POLR1H: variants seen among roughly 807,000 people sequenced by gnomAD.
The protein encoded by POLR1H is RNA polymerase I subunit H.
POLR1H carries 5 observed loss-of-function variants against 15.8 expected under a neutral mutation model. The ratio of observed to expected loss-of-function variants is 0.32; its 90% confidence interval spans 0.17 to 0.67. POLR1H has a LOEUF of 0.67. Among genes scored for constraint, POLR1H ranks in the 30% least tolerant of loss-of-function variants. The probability of loss-of-function intolerance (pLI) is 0.74; values close to 1 mark genes in which losing one functional copy is unlikely to be tolerated. For missense variants in POLR1H, 100 were observed against 163.4 expected (o/e 0.61, Z 2.11); for synonymous variants, 43 against 58.3 (o/e 0.74, Z 1.20).
intron 2 of POLR1H, 40 bp from the exon 3 acceptor site, chr6:30,062,184 G>C (rs373543360): frequency 4.2e-5 from 64 of 1,532,158 alleles, no homozygotes; most frequent in Non-Finnish European, 5.6e-5. Flanking sequence ...GAAGTAAGGG[G>C]ATATGACCAG....
chr6:30,061,274 G>A lies in POLR1H; in HGVS notation c.-251G>A. On this transcript the variant is annotated 5_prime_UTR_variant, in exon 1 of 4. Coordinates refer to ENST00000332435, the MANE Select transcript of POLR1H (RefSeq NM_170783.4). The surrounding 1 kb of genome is among the most constrained non-coding windows in gnomAD (Gnocchi z 5.0). Reference sequence around the variant, plus strand: ...GCCCCGCCGCGGGCGCAGAGCTGGCGCTCTAGCCCACGGAGTTGGTTAACT... The same window carrying A: ...GCCCCGCCGCGGGCGCAGAGCTGGCACTCTAGCCCACGGAGTTGGTTAACT... The A allele has an allele frequency of 2.4e-6, 1 of 411,434 alleles. No individual in the cohort carries two copies. The allele number at this position is 411,434 out of a possible 1,614,324, so 25.5% of individuals were successfully genotyped here.
At chr6:30,062,140 A>G (rs1399026291) in intron 2 of POLR1H, 84 bp from the exon 3 acceptor site, 1 of 1,452,180 alleles carries the variant, frequency 6.9e-7, no homozygotes, top group South Asian at 1.1e-5. Flanking sequence ...TAAACCATCG[A>G]CGTTTGAGAG....
chr6:30,064,026 T>G (rs1765317395), intron 3 of POLR1H, among the ~76,000 whole-genome samples: 1 of 152,194 alleles, frequency 6.6e-6, no homozygotes, highest in African/African-American at 2.4e-5. Context: ...GCACGGGATC[T>G]CCTATCAGAC....
chr6:30,060,366 T>C (rs771370356), upstream of POLR1H: 14 of 152,184 alleles, frequency 9.2e-5, no homozygotes, highest in South Asian at 2.1e-4. Flanking sequence ...AAGTTACAGA[T>C]TAATGAAAAT....
chr6:30,064,341 C>T (rs577148868), intron 3 of POLR1H, among the ~76,000 whole-genome samples: 59 of 150,586 alleles, frequency 3.9e-4, no homozygotes, highest in Non-Finnish European at 6.5e-4. Context: ...TTTTTCCCAG[C>T]GTGTGGCTTG....
At position 30,061,593 on chromosome 6, in the gene POLR1H, C is replaced by T. The variant is rs575763643; in HGVS notation, c.69C>T (p.Cys23=). The T allele has an allele frequency of 5.0e-6, 8 of 1,613,068 alleles. No individual in the cohort carries two copies. The Admixed American group carries it at 1.2e-4, about 24-fold the overall frequency. ...CGGACCTGGATTTCTGTTCAGATTG[C>T]GGCTCGGTCCTGCCTCTGCCCGGGG... ...FQSDLDFCSD[C]GSVLPLPGAQ... is the part of the protein sequence containing the mutation. Residue 23 remains cysteine (C), a synonymous_variant, in exon 1 of 4, where the codon TGC becomes TGT. Coordinates refer to ENST00000332435, the MANE Select transcript of POLR1H (RefSeq NM_170783.4). The surrounding 1 kb of genome is among the most constrained non-coding windows in gnomAD (Gnocchi z 5.0).
upstream of POLR1H, chr6:30,060,691 C>T (rs1764951260): frequency 6.6e-6 from 1 of 152,318 alleles, no homozygotes; most frequent in South Asian, 2.1e-4. Flanking sequence ...ACTAAGCATT[C>T]CTCGGGCCTT....
chr6:30,061,286 G>A lies in POLR1H; in HGVS notation c.-239G>A, dbSNP rs1347098009. ...GCGCAGAGCTGGCGCTCTAGCCCAC[G>A]GAGTTGGTTAACTCCTCTCACCGGC... On this transcript the variant is annotated 5_prime_UTR_variant, in exon 1 of 4. Coordinates refer to ENST00000332435, the MANE Select transcript of POLR1H (RefSeq NM_170783.4). The surrounding 1 kb of genome is among the most constrained non-coding windows in gnomAD (Gnocchi z 5.0). 2.6e-5 allele frequency: 11 copies of A among 426,076 alleles called. No homozygotes were observed. The East Asian group carries it at 3.6e-4, about 14-fold the overall frequency. 26.4% of individuals were successfully genotyped at this position (426,076 alleles called of 1,614,324 possible).
chr6:30,061,720 T>A lies in POLR1H; in HGVS notation c.145+51T>A. On this transcript the variant is annotated intron_variant, in intron 1 of 3. Coordinates refer to ENST00000332435, the MANE Select transcript of POLR1H (RefSeq NM_170783.4). This position sits in a 1 kb window ranked among gnomAD's most constrained non-coding sequence, Gnocchi z 5.0. ...TGGCGGAGGGCGCAGGGTCGGAAGC[T>A]TGGGGAACTCAAGATCGGTTGGGTT... 2 of 1,608,914 alleles carry A rather than the reference T, an allele frequency of 1.2e-6. No homozygotes were observed. Among genetic ancestry groups the A allele is most frequent in the Non-Finnish European group, 1.7e-6 (2 of 1,177,154 alleles).
At position 30,061,523 on chromosome 6, in the gene POLR1H, G is replaced by A. The variant is rs369093540; in HGVS notation, c.-2G>A. 54 of 1,612,784 alleles carry A rather than the reference G, an allele frequency of 3.3e-5. No homozygotes were observed. The Middle Eastern group carries it at 8.2e-4, about 25-fold the overall frequency. On this transcript the variant is annotated 5_prime_UTR_variant, in exon 1 of 4. Transcript: ENST00000332435. This position sits in a 1 kb window ranked among gnomAD's most constrained non-coding sequence, Gnocchi z 5.0. ...TCCAACTCCCTCCTCAGACCCGACC[G>A]CATGTCTGTCATGGACCTCGCCAAT...
At chr6:30,061,212 C>T (rs934346450), upstream of POLR1H, 1 of 314,042 alleles carries the variant, frequency 3.2e-6, no homozygotes, top group Non-Finnish European at 5.9e-6. This position sits in a 1 kb window ranked among gnomAD's most constrained non-coding sequence, Gnocchi z 5.0. Flanking sequence ...CAATCGTCAA[C>T]GCGAAAGCCT....
upstream of POLR1H, chr6:30,060,813 A>G (rs1368924714): frequency 1.3e-5 from 2 of 152,242 alleles, no homozygotes; most frequent in African/African-American, 4.8e-5. Context: ...CACGCTCGCC[A>G]GCGGGACCCA....
Position 30,062,728 on chromosome 6 carries a change from T to C in POLR1H, c.356+395T>C, listed in dbSNP as rs369319005. On this transcript the variant is annotated intron_variant, in intron 3 of 3. Coordinates refer to ENST00000332435, the MANE Select transcript of POLR1H (RefSeq NM_170783.4). ...ACCACGCCTGGCTTTTTTTTTTTTT[T>C]TTTTTTTTTTTTTTTGTATTTTTAG... is the stretch of plus-strand genomic sequence containing the variant. 2.7e-3 allele frequency among the ~76,000 whole-genome samples: 320 copies of C among 116,684 alleles called. 11 individuals carry two copies. Among genetic ancestry groups the C allele is most frequent in the Middle Eastern group, 0.012 (3 of 244 alleles). 76.5% of individuals were successfully genotyped at this position (116,684 alleles called of 152,430 possible).
chr6:30,060,089 G>A (rs1764902566), upstream of POLR1H: 1 of 152,266 alleles, frequency 6.6e-6, no homozygotes, highest in Non-Finnish European at 1.5e-5. Flanking sequence ...TTAAATGATA[G>A]GGCTTGTCAC....
chr6:30,064,828 G>A lies in POLR1H; in HGVS notation c.*131G>A. On this transcript the variant is annotated 3_prime_UTR_variant, in exon 4 of 4. Coordinates refer to ENST00000332435, the MANE Select transcript of POLR1H (RefSeq NM_170783.4). ...CAGAAGAGAATCAGATCATCATGTGGGGATTACCATTGTTCCTGGAGTACT... is the reference window on the plus strand; with the variant it reads ...CAGAAGAGAATCAGATCATCATGTGAGGATTACCATTGTTCCTGGAGTACT... 1.4e-6 allele frequency: 1 copy of A among 710,562 alleles called. No homozygotes were observed. The highest frequency in any genetic ancestry group is 2.0e-5 in the South Asian group (1 of 50,978). 44.0% of individuals were successfully genotyped at this position (710,562 alleles called of 1,614,324 possible). A position where few individuals can be genotyped will look rare whatever the true frequency, so the allele number is the denominator to read the frequency against.
chr6:30,061,482 CTT>C lies in POLR1H; in HGVS notation c.-40_-39del. 1 of 1,607,270 alleles carries C rather than the reference CTT, an allele frequency of 6.2e-7. No individual in the cohort carries two copies. Among genetic ancestry groups the C allele is most frequent in the South Asian group, 1.1e-5 (1 of 90,598 alleles). ...ACCTCTGGGACAGGAACTCTTCTCT[CTT>C]TTGTTAATAAACTTCCAACTCCCTC... On this transcript the variant is annotated 5_prime_UTR_variant, in exon 1 of 4. Coordinates refer to ENST00000332435, the MANE Select transcript of POLR1H (RefSeq NM_170783.4). The surrounding 1 kb of genome is among the most constrained non-coding windows in gnomAD (Gnocchi z 5.0).
chr6:30,063,362 TC>T lies in POLR1H; in HGVS notation c.356+1031del, dbSNP rs1208466747. On this transcript the variant is annotated intron_variant, in intron 3 of 3. Coordinates refer to ENST00000332435, the MANE Select transcript of POLR1H (RefSeq NM_170783.4). This position sits in a 1 kb window ranked among gnomAD's most constrained non-coding sequence, Gnocchi z 4.1. ...CTGAGTAATTTCTTCAGGTCCCTCTTCCATGTCACTAATTCTGTCTTCAGTT... is the reference window on the plus strand; with the variant it reads ...CTGAGTAATTTCTTCAGGTCCCTCTTCATGTCACTAATTCTGTCTTCAGTT... 1.3e-5 allele frequency among the ~76,000 whole-genome samples: 2 copies of T among 152,038 alleles called. No individual in the cohort carries two copies. The highest frequency in any genetic ancestry group is 6.5e-5 in the Admixed American group (1 of 15,272).
Position 30,061,419 on chromosome 6 carries a change from G to C in POLR1H, c.-106G>C. 1.5e-6 allele frequency: 2 copies of C among 1,355,072 alleles called. No individual in the cohort carries two copies. The highest frequency in any genetic ancestry group is 2.0e-6 in the Non-Finnish European group (2 of 982,098). 83.9% of individuals were successfully genotyped at this position (1,355,072 alleles called of 1,614,324 possible). A position where few individuals can be genotyped will look rare whatever the true frequency, so the allele number is the denominator to read the frequency against. On this transcript the variant is annotated 5_prime_UTR_variant, in exon 1 of 4. Transcript: ENST00000332435. This position sits in a 1 kb window ranked among gnomAD's most constrained non-coding sequence, Gnocchi z 5.0. The stretch of plus-strand genomic sequence containing the variant: ...GAGGCGTGCGTGGCAGGAGGGTTCG[G>C]GTTATATACTCCTAGGTCCTGGGAC...
rs1210192177 is a variant in POLR1H, at chr6:30,061,493, A to G, written c.-32A>G. ...AGGAACTCTTCTCTCTTTTGTTAATAAACTTCCAACTCCCTCCTCAGACCC... is the reference window on the plus strand; with the variant it reads ...AGGAACTCTTCTCTCTTTTGTTAATGAACTTCCAACTCCCTCCTCAGACCC... On this transcript the variant is annotated 5_prime_UTR_variant, in exon 1 of 4. The change creates a new upstream start codon in the 5' untranslated region. Transcript: ENST00000332435. This position sits in a 1 kb window ranked among gnomAD's most constrained non-coding sequence, Gnocchi z 5.0. The G allele has an allele frequency of 5.0e-6, 8 of 1,609,862 alleles. No homozygotes were observed. Among genetic ancestry groups the G allele is most frequent in the Non-Finnish European group, 6.8e-6 (8 of 1,177,736 alleles).
Sources: allele counts gnomAD v4.1 joint callset (sites outside exome capture counted in the v4.1 genomes callset), GRCh38; gene constraint gnomAD v4.1.1; non-coding constraint Gnocchi (gnomAD v3.1); transcripts MANE v1.5; gene names NCBI Gene and HGNC (gene_info 2026-07-23, HGNC 2026-07-21).